The following MARCHF1 variants were observed in gnomAD, a reference collection of about 807,000 sequenced individuals.
MARCHF1 encodes membrane associated ring-CH-type finger 1.
A neutral mutation model predicts 54.2 loss-of-function variants in MARCHF1; 40 were observed. The ratio of observed to expected loss-of-function variants is 0.74; its 90% confidence interval spans 0.57 to 0.96. The LOEUF (loss-of-function observed/expected upper bound fraction) is 0.96, where lower values mean the gene tolerates loss of function less well. Ranked by LOEUF, MARCHF1 falls within the 40% of genes least tolerant of loss-of-function variation. The pLI, the probability that MARCHF1 is intolerant of heterozygous loss-of-function variation, is 0.00. For missense variants in MARCHF1, 586 were observed against 656.5 expected, an observed-to-expected ratio of 0.89 and a Z score of 1.17; for synonymous variants, 236 against 236.3, an observed-to-expected ratio of 1.00 and a Z score of 0.01.
At chr4:163,681,986 A>T (rs1744120333) in intron 5 of MARCHF1, among the ~76,000 whole-genome samples, 1 of 152,196 alleles carries the variant, frequency 6.6e-6, no homozygotes, top group African/African-American at 2.4e-5. Context: ...AGACAGGAAG[A>T]TGTGGGAAAC....
intron 1 of MARCHF1, among the ~76,000 whole-genome samples, chr4:164,198,913 A>G (rs140649898): frequency 2.8e-4 from 43 of 152,350 alleles, no homozygotes; most frequent in African/African-American, 9.6e-4. Context: ...TCAAAAAACT[A>G]AAAGGCTAAA....
intron 1 of MARCHF1, among the ~76,000 whole-genome samples, chr4:164,292,065 C>T (rs749681272): frequency 3.3e-5 from 5 of 152,028 alleles, no homozygotes; most frequent in Non-Finnish European, 5.9e-5. Flanking sequence ...ATATACAATG[C>T]TATCAATTAT....
intron 5 of MARCHF1, among the ~76,000 whole-genome samples, chr4:163,657,099 A>G (rs1478571023): frequency 2.0e-5 from 3 of 152,120 alleles, no homozygotes; most frequent in African/African-American, 7.2e-5. Flanking sequence ...GTATTCAAAT[A>G]GGAAGAGAGG....
At chr4:164,338,557 G>C (rs1295454875) in intron 1 of MARCHF1, among the ~76,000 whole-genome samples, 1 of 152,132 alleles carries the variant, frequency 6.6e-6, no homozygotes, top group Non-Finnish European at 1.5e-5. Flanking sequence ...AACATAAAGT[G>C]AAGCAATGAA....
intron 1 of MARCHF1, among the ~76,000 whole-genome samples, chr4:164,185,893 A>T (rs1489357907): frequency 6.6e-6 from 1 of 151,998 alleles, no homozygotes; most frequent in Non-Finnish European, 1.5e-5. Flanking sequence ...GACAAATGCC[A>T]ATTTCTGGTT....
intron 2 of MARCHF1, among the ~76,000 whole-genome samples, chr4:164,026,074 TA>T (rs1382037132): frequency 6.6e-6 from 1 of 151,806 alleles, no homozygotes; most frequent in Non-Finnish European, 1.5e-5. Flanking sequence ...ATTTAATCAG[TA>T]ATAAAAAGAA....
In MARCHF1 at chr4:164,239,223, T is replaced by C. The variant is rs183324154; in HGVS notation, c.-322-127561A>G. On this transcript the variant is annotated intron_variant, in intron 1 of 9. Coordinates refer to ENST00000514618, the MANE Select transcript of MARCHF1 (RefSeq NM_001394959.1). ...ATTTAAATTGTGTATCAAAGAAAAG[T>C]GAATAATCTCTGAGTGAGGGACAAA... is the stretch of plus-strand genomic sequence containing the variant. 3.6e-3 allele frequency among the ~76,000 whole-genome samples: 550 copies of C among 152,126 alleles called. 2 individuals are homozygous for C. Among genetic ancestry groups the C allele is most frequent in the Middle Eastern group, 6.8e-3 (2 of 294 alleles).
chr4:163,556,492 T>A (rs1739290704), intron 8 of MARCHF1, among the ~76,000 whole-genome samples: 1 of 152,138 alleles, frequency 6.6e-6, no homozygotes, highest in Non-Finnish European at 1.5e-5. Flanking sequence ...TCTTACATCC[T>A]ATTTGCACTC....
rs112535687 is a variant in MARCHF1, at chr4:164,190,423, T to C, written c.-322-78761A>G. On this transcript the variant is annotated intron_variant, in intron 1 of 9. Transcript: ENST00000514618. ...AAAATGAGAGAAGTCAAGTCTTAAA[T>C]GTAATTGGAATTGTCACCTCAGAGT... 4.0e-3 allele frequency: 1,813 copies of C among 448,206 alleles called. 6 individuals carry two copies. The highest frequency in any genetic ancestry group is 5.6e-3 in the Non-Finnish European group (1,418 of 251,306). 27.8% of individuals were successfully genotyped at this position (448,206 alleles called of 1,614,324 possible).
At chr4:163,875,163 G>A (rs1372014549) in intron 3 of MARCHF1, among the ~76,000 whole-genome samples, 1 of 151,812 alleles carries the variant, frequency 6.6e-6, no homozygotes, top group Non-Finnish European at 1.5e-5. Flanking sequence ...TGACACACAC[G>A]TTGAATTTTA....
chr4:164,178,663 A>G (rs954705193), intron 1 of MARCHF1, among the ~76,000 whole-genome samples: 3 of 152,200 alleles, frequency 2.0e-5, no homozygotes, highest in Non-Finnish European at 4.4e-5. Flanking sequence ...ATATCACTAC[A>G]GTGTTAATTA....
intron 3 of MARCHF1, among the ~76,000 whole-genome samples, chr4:163,965,697 T>C (rs774825508): frequency 3.9e-5 from 6 of 152,210 alleles, no homozygotes; most frequent in East Asian, 1.9e-4. Flanking sequence ...TCTGAGAAGA[T>C]TATAACACTG....
intron 1 of MARCHF1, among the ~76,000 whole-genome samples, chr4:164,219,236 G>A (rs371811307): frequency 7.2e-6 from 1 of 139,030 alleles, no homozygotes; most frequent in Admixed American, 7.3e-5. Context: ...TATTTATATA[G>A]TTATCACTAT....
chr4:163,899,819 C>T (rs537507323), intron 3 of MARCHF1, among the ~76,000 whole-genome samples: 1 of 151,334 alleles, frequency 6.6e-6, no homozygotes, highest in East Asian at 1.9e-4. Context: ...ACAGTTTTCT[C>T]TTTCTTAGCA....
intron 7 of MARCHF1, among the ~76,000 whole-genome samples, chr4:163,591,341 A>T (rs1398943247): frequency 6.6e-6 from 1 of 152,004 alleles, no homozygotes; most frequent in Admixed American, 6.6e-5. Flanking sequence ...TTTCAGACTC[A>T]CATCCCTAAT....
At chr4:163,986,331 C>T (rs1211640090) in intron 3 of MARCHF1, among the ~76,000 whole-genome samples, 1 of 129,502 alleles carries the variant, frequency 7.7e-6, no homozygotes, top group East Asian at 2.6e-4. Flanking sequence ...GTGGCGCGAT[C>T]TCGGCTCACT....
chr4:164,020,335 C>T (rs1753634132), intron 2 of MARCHF1, among the ~76,000 whole-genome samples: 2 of 152,048 alleles, frequency 1.3e-5, no homozygotes, highest in African/African-American at 2.4e-5. Context: ...TATCCCTAAG[C>T]TCAATATAGG....
At chr4:163,836,515 G>C (rs200185055) in intron 4 of MARCHF1, among the ~76,000 whole-genome samples, 2 of 136,252 alleles carry the variant, frequency 1.5e-5, no homozygotes, top group Non-Finnish European at 3.1e-5. Context: ...AAAGTGCTGG[G>C]ATTACAGGCG....
At chr4:163,611,808 A>C (rs1445405033) in intron 7 of MARCHF1, among the ~76,000 whole-genome samples, 3 of 152,174 alleles carry the variant, frequency 2.0e-5, no homozygotes, top group East Asian at 3.9e-4. Context: ...TGCTGAGTCA[A>C]ACAATTGGAG....
Sources: gnomAD v4.1 joint callset for allele counts (sites outside exome capture counted in the v4.1 genomes callset) on GRCh38, gnomAD v4.1.1 for gene constraint, MANE v1.5 for transcripts, NCBI Gene and HGNC (gene_info 2026-07-23, HGNC 2026-07-21) for gene names.